The following S100Z variants were observed in gnomAD, a reference collection of about 807,000 sequenced individuals.
The protein encoded by S100Z is protein S100-Z.
S100Z carries 11 observed loss-of-function variants against 8.5 expected under a neutral mutation model. The ratio of observed to expected loss-of-function variants is 1.30; its 90% CI spans 0.82 to 2.15. S100Z has a LOEUF of 2.15. Ranked by LOEUF, S100Z falls within the 30% of genes most tolerant of loss-of-function variation. The pLI is 0.00. For missense variants in S100Z, 126 were observed against 117.9 expected, an observed-to-expected ratio of 1.07 and a Z score of -0.32; for synonymous variants, 34 against 43.8, an observed-to-expected ratio of 0.78 and a Z score of 0.89.
At chr5:76,939,903 T>C in the S100Z span, among the ~76,000 whole-genome samples, 1 of 152,034 alleles carries the variant, frequency 6.6e-6, no homozygotes, top group East Asian at 1.9e-4. Flanking sequence ...CTCACGCCTG[T>C]AATGCCAGCA....
At chr5:76,905,718 A>T (rs1258209206) in intron 4 of S100Z, among the ~76,000 whole-genome samples, 1 of 151,944 alleles carries the variant, frequency 6.6e-6, no homozygotes, top group Non-Finnish European at 1.5e-5. Context: ...GGCCATTTTG[A>T]GTTAATTTTT....
chr5:76,942,802 C>T, the S100Z span, among the ~76,000 whole-genome samples: 1 of 152,196 alleles, frequency 6.6e-6, no homozygotes, highest in Non-Finnish European at 1.5e-5. Context: ...GTTTCACAGA[C>T]AAAGGTTGTC....
At chr5:76,890,008 C>T (rs1002116668) in intron 4 of S100Z, among the ~76,000 whole-genome samples, 12 of 152,152 alleles carry the variant, frequency 7.9e-5, no homozygotes, top group African/African-American at 2.9e-4. Context: ...CAAAACAAAA[C>T]CTTAAAATTT....
At chr5:76,884,382 C>T (rs536916477) in intron 4 of S100Z, among the ~76,000 whole-genome samples, 2 of 152,296 alleles carry the variant, frequency 1.3e-5, no homozygotes, top group East Asian at 3.9e-4. Context: ...GCTCTAATGC[C>T]TTCCTGGAGG....
intron 4 of S100Z, among the ~76,000 whole-genome samples, chr5:76,884,477 G>C (rs1381674776): frequency 6.6e-6 from 1 of 152,190 alleles, no homozygotes; most frequent in Admixed American, 6.5e-5. Flanking sequence ...GAGGGTAGAA[G>C]TCAGGATGAC....
chr5:76,950,934 G>A, the S100Z span, among the ~76,000 whole-genome samples: 1 of 152,106 alleles, frequency 6.6e-6, no homozygotes, highest in Non-Finnish European at 1.5e-5. Context: ...TTCTCTCAGA[G>A]AGAATGGCTA....
chr5:76,897,473 A>T (rs1055925367), intron 4 of S100Z, among the ~76,000 whole-genome samples: 9 of 143,974 alleles, frequency 6.3e-5, no homozygotes, highest in Admixed American at 3.3e-4. Context: ...TAATAAAAAT[A>T]AAAAAATAAA....
intron 1 of S100Z, among the ~76,000 whole-genome samples, chr5:76,858,235 A>T (rs1750939090): frequency 3.9e-5 from 6 of 152,140 alleles, no homozygotes; most frequent in Admixed American, 3.9e-4. Flanking sequence ...CAAGAATGAG[A>T]TGATGGGCTA....
chr5:76,913,340 A>G (rs1360435134), intron 4 of S100Z, among the ~76,000 whole-genome samples: 9 of 152,230 alleles, frequency 5.9e-5, no homozygotes, highest in Non-Finnish European at 1.0e-4. Context: ...CGATTAAGGG[A>G]AAAAGACACA....
At chr5:76,896,967 G>A (rs536274470) in intron 4 of S100Z, among the ~76,000 whole-genome samples, 10 of 152,174 alleles carry the variant, frequency 6.6e-5, no homozygotes, top group African/African-American at 2.4e-4. Context: ...TTGCACTGTA[G>A]GTGTGGGGAT....
intron 4 of S100Z, among the ~76,000 whole-genome samples, chr5:76,913,329 G>A (rs1159322050): frequency 6.6e-6 from 1 of 152,190 alleles, no homozygotes; most frequent in Non-Finnish European, 1.5e-5. Flanking sequence ...TTCCTCCCAG[G>A]CGATTAAGGG....
At chr5:76,912,940 G>C (rs1744719609) in intron 4 of S100Z, among the ~76,000 whole-genome samples, 1 of 90,856 alleles carries the variant, frequency 1.1e-5, no homozygotes, top group Non-Finnish European at 2.5e-5. Context: ...GAGAGACAGA[G>C]AGAGTCAGAG....
intron 2 of S100Z, among the ~76,000 whole-genome samples, chr5:76,874,869 GAA>G (rs1436952271): frequency 6.6e-6 from 1 of 151,936 alleles, no homozygotes; most frequent in East Asian, 1.9e-4. Context: ...ACTCTTTAAT[GAA>G]AGACTATTAT....
chr5:76,912,129 G>A (rs143220282), intron 4 of S100Z, among the ~76,000 whole-genome samples: 2,269 of 152,248 alleles, frequency 0.015, 25 homozygotes, highest in Non-Finnish European at 0.02. Context: ...ACAAGGAAAG[G>A]ATCTCACTGT....
the S100Z span, among the ~76,000 whole-genome samples, chr5:76,947,986 G>C: frequency 1.3e-5 from 2 of 152,070 alleles, no homozygotes; most frequent in Admixed American, 6.6e-5. Context: ...ATAAGCACAG[G>C]CAACAAAAGC....
chr5:76,947,964 G>A, the S100Z span, among the ~76,000 whole-genome samples: 1 of 152,118 alleles, frequency 6.6e-6, no homozygotes. Context: ...ATGATTTAAT[G>A]GATATGACAC....
At chr5:76,935,637 C>T in the S100Z span, among the ~76,000 whole-genome samples, 1 of 151,974 alleles carries the variant, frequency 6.6e-6, no homozygotes, top group Non-Finnish European at 1.5e-5. Context: ...TAACGTGCCT[C>T]TGATACTAGA....
intron 3 of S100Z, among the ~76,000 whole-genome samples, chr5:76,876,950 C>T (rs1385377470): frequency 6.6e-6 from 1 of 152,164 alleles, no homozygotes; most frequent in African/African-American, 2.4e-5. Context: ...CTTCCCTCTT[C>T]TCTTTGCTTT....
At position 76,862,117 on chromosome 5, in the gene S100Z, GA is replaced by G. The variant is rs1251415881; in HGVS notation, c.-175-8048del. Among the ~76,000 whole-genome samples the G allele has an allele frequency of 2.0e-3, 248 of 125,448 alleles. 5 individuals carry two copies. In the Admixed American group the frequency reaches 0.021, roughly 10 times the overall value. 82.3% of individuals were successfully genotyped at this position (125,448 alleles called of 152,430 possible). A position where few individuals can be genotyped will look rare whatever the true frequency, so the allele number is the denominator to read the frequency against. ...TACCTTTTTTTCTCATGCTGGCAGGGATAAGGAGTGTGCGTGTGTGTGTGTG... is the reference window on the plus strand; with the variant it reads ...TACCTTTTTTTCTCATGCTGGCAGGGTAAGGAGTGTGCGTGTGTGTGTGTG... On this transcript the variant is annotated intron_variant, in intron 1 of 4. Coordinates refer to ENST00000317593, the MANE Select transcript of S100Z (RefSeq NM_130772.4).
Sources: allele counts gnomAD v4.1 joint callset (sites outside exome capture counted in the v4.1 genomes callset), GRCh38; gene constraint gnomAD v4.1.1; transcripts MANE v1.5; gene names NCBI Gene and HGNC (gene_info 2026-07-23, HGNC 2026-07-21).